Variants in RUNX2 observed in about 807,000 individuals in gnomAD.
RUNX2 encodes the protein runt-related transcription factor 2.
Under a neutral mutation model 51.7 loss-of-function variants are expected in RUNX2, and 10 were observed. That is an observed-to-expected ratio of 0.19 (90% CI 0.12 to 0.33). RUNX2 has a LOEUF of 0.33. Among genes scored for constraint, RUNX2 ranks in the 10% least tolerant of loss-of-function variants. The pLI is 1.00. For synonymous variants in RUNX2, 276 were observed against 273.6 expected, an observed-to-expected ratio of 1.01 and a Z score of -0.09; for missense variants, 562 against 691.3, an observed-to-expected ratio of 0.81 and a Z score of 2.10.
chr6:45,342,671 A>G (rs183517767), intron 2 of RUNX2, among the ~76,000 whole-genome samples: 19 of 151,984 alleles, frequency 1.3e-4, no homozygotes, highest in African/African-American at 4.3e-4. Flanking sequence ...CTTTTTTTTT[A>G]TTTGCCAATA....
intron 2 of RUNX2, among the ~76,000 whole-genome samples, chr6:45,411,047 T>G (rs1171680223): frequency 1.3e-5 from 2 of 152,168 alleles, no homozygotes; most frequent in African/African-American, 4.8e-5. Flanking sequence ...GGAAGGGAGT[T>G]CAAAGGGAAG....
At chr6:45,470,402 CTCT>C (rs1381862970) in intron 5 of RUNX2, among the ~76,000 whole-genome samples, 4 of 152,202 alleles carry the variant, frequency 2.6e-5, no homozygotes, top group African/African-American at 7.2e-5. Context: ...TAAAAACCAG[CTCT>C]TCTTGTAGTT....
Position 45,331,746 on chromosome 6 carries a change from C to T in RUNX2, c.58+2962C>T, listed in dbSNP as rs542829352. Among the ~76,000 whole-genome samples, 12 of 151,786 alleles carry T rather than the reference C, an allele frequency of 7.9e-5. 1 individual carries two copies. In the South Asian group the frequency reaches 2.1e-3, roughly 26 times the overall value. On this transcript the variant is annotated intron_variant, in intron 2 of 8. Transcript: ENST00000647337. ...GTCTGTCTGACTCTCCTGATCAATCCGTCTCTATATCACAAGGCATGAAAT... is the reference window on the plus strand; with the variant it reads ...GTCTGTCTGACTCTCCTGATCAATCTGTCTCTATATCACAAGGCATGAAAT...
chr6:45,521,026 T>G (rs1801492218), intron 7 of RUNX2, among the ~76,000 whole-genome samples: 1 of 152,212 alleles, frequency 6.6e-6, no homozygotes, highest in Non-Finnish European at 1.5e-5. Flanking sequence ...CATATTGTCC[T>G]TTAGCATAAA....
intron 7 of RUNX2, among the ~76,000 whole-genome samples, chr6:45,520,772 G>A (rs1801480765): frequency 6.6e-6 from 1 of 152,074 alleles, no homozygotes; most frequent in African/African-American, 2.4e-5. Flanking sequence ...CCAGGCTGGA[G>A]TGCAGTGGTG....
chr6:45,518,329 C>T (rs186414653), intron 7 of RUNX2, among the ~76,000 whole-genome samples: 11 of 152,136 alleles, frequency 7.2e-5, no homozygotes, highest in South Asian at 2.1e-4. Flanking sequence ...TTCATTATAT[C>T]GCCACTGATT....
chr6:45,367,053 A>C (rs1483921263), intron 2 of RUNX2, among the ~76,000 whole-genome samples: 3 of 152,156 alleles, frequency 2.0e-5, no homozygotes, highest in African/African-American at 7.2e-5. Flanking sequence ...CCACGAAAGA[A>C]GGTTGGGGAA....
At chr6:45,366,552 T>C (rs1157972401) in intron 2 of RUNX2, among the ~76,000 whole-genome samples, 1 of 152,236 alleles carries the variant, frequency 6.6e-6, no homozygotes, top group East Asian at 1.9e-4. Flanking sequence ...AAAAAAGAAT[T>C]CCCCTCCTTT....
intron 2 of RUNX2, among the ~76,000 whole-genome samples, chr6:45,375,630 A>T (rs1334734305): frequency 6.6e-6 from 1 of 152,060 alleles, no homozygotes; most frequent in African/African-American, 2.4e-5. Flanking sequence ...TGCAGCCTTG[A>T]ACTCCTAGGT....
At chr6:45,489,236 C>T (rs1800381816) in intron 5 of RUNX2, among the ~76,000 whole-genome samples, 1 of 152,128 alleles carries the variant, frequency 6.6e-6, no homozygotes, top group African/African-American at 2.4e-5. Context: ...CCTGTAGATA[C>T]TTGGAAGTGT....
intron 7 of RUNX2, among the ~76,000 whole-genome samples, chr6:45,521,299 A>T (rs1801502497): frequency 6.6e-6 from 1 of 152,236 alleles, no homozygotes; most frequent in Non-Finnish European, 1.5e-5. Flanking sequence ...TTCATTGCTG[A>T]TAAGGACAGG....
chr6:45,485,188 CTTTCT>C (rs1322238506), intron 5 of RUNX2, among the ~76,000 whole-genome samples: 1 of 146,808 alleles, frequency 6.8e-6, no homozygotes, highest in African/African-American at 2.5e-5. Flanking sequence ...TCTTTTCTTT[CTTTCT>C]TTTTTTTTTT....
intron 5 of RUNX2, among the ~76,000 whole-genome samples, chr6:45,480,759 G>A (rs1287654847): frequency 6.6e-6 from 1 of 152,174 alleles, no homozygotes; most frequent in African/African-American, 2.4e-5. Flanking sequence ...TTTAAAAAAA[G>A]TAATCAGGTT....
intron 5 of RUNX2, among the ~76,000 whole-genome samples, chr6:45,474,981 G>A (rs1235461098): frequency 6.6e-6 from 1 of 151,958 alleles, no homozygotes; most frequent in African/African-American, 2.4e-5. Flanking sequence ...CTTAATCTCC[G>A]GGTGTGGTGG....
chr6:45,467,160 T>TATAA, intron 5 of RUNX2, among the ~76,000 whole-genome samples: 1 of 152,342 alleles, frequency 6.6e-6, no homozygotes, highest in Non-Finnish European at 1.5e-5. Context: ...TCTTTGCAGG[T>TATAA]ATAATCCTGT....
intron 2 of RUNX2, among the ~76,000 whole-genome samples, chr6:45,381,920 A>G (rs995927300): frequency 5.9e-5 from 9 of 152,234 alleles, no homozygotes; most frequent in Non-Finnish European, 1.2e-4. Flanking sequence ...TTACAGTACC[A>G]GGTAGCTTGT....
chr6:45,509,019 T>A (rs1040077883), intron 6 of RUNX2, among the ~76,000 whole-genome samples: 2 of 152,046 alleles, frequency 1.3e-5, no homozygotes, highest in Non-Finnish European at 2.9e-5. Flanking sequence ...TAGCATAGAG[T>A]CATATTTTAA....
chr6:45,544,291 C>T (rs896161779), intron 7 of RUNX2, among the ~76,000 whole-genome samples: 1 of 152,002 alleles, frequency 6.6e-6, no homozygotes, highest in African/African-American at 2.4e-5. Context: ...TAGCTAGCAT[C>T]TATAAACCAA....
intron 7 of RUNX2, among the ~76,000 whole-genome samples, chr6:45,513,160 T>C (rs1801210742): frequency 6.6e-6 from 1 of 152,018 alleles, no homozygotes; most frequent in African/African-American, 2.4e-5. Flanking sequence ...TCACAAAAAC[T>C]CCAAACTGAC....
Sources: gnomAD v4.1 joint callset for allele counts (sites outside exome capture counted in the v4.1 genomes callset) on GRCh38, gnomAD v4.1.1 for gene constraint, MANE v1.5 for transcripts, NCBI Gene and HGNC (gene_info 2026-07-23, HGNC 2026-07-21) for gene names.